The following RELN variants were observed in gnomAD, a reference collection of about 807,000 sequenced individuals.
The protein encoded by RELN is reelin.
In RELN, 108 loss-of-function variants were observed where a neutral mutation model predicts 427.6. The observed-to-expected ratio is 0.25, with a 90% CI of 0.22 to 0.30. RELN has a LOEUF of 0.30. RELN is among the 10% of genes least tolerant of loss of function. The pLI, the probability that RELN is intolerant of heterozygous loss-of-function variation, is 1.00. For synonymous variants in RELN, 1,524 were observed against 1,513.4 expected, an observed-to-expected ratio of 1.01 and a Z score of -0.16; for missense variants, 3,715 against 4,302.8, an observed-to-expected ratio of 0.86 and a Z score of 3.82.
At chr7:103,909,370 T>G (rs1795287840) in intron 2 of RELN, among the ~76,000 whole-genome samples, 1 of 151,736 alleles carries the variant, frequency 6.6e-6, no homozygotes, top group African/African-American at 2.4e-5. Context: ...TAGTAAAAAC[T>G]TCATCCTGGC....
At chr7:103,776,153 A>G (rs1430506458) in intron 4 of RELN, among the ~76,000 whole-genome samples, 6 of 152,220 alleles carry the variant, frequency 3.9e-5, no homozygotes. Context: ...AGGCCCATAG[A>G]TACTGTACAC....
intron 2 of RELN, among the ~76,000 whole-genome samples, chr7:103,881,502 G>T (rs1448274381): frequency 2.0e-5 from 3 of 151,988 alleles, no homozygotes; most frequent in Non-Finnish European, 4.4e-5. Flanking sequence ...ACCCCTTCTT[G>T]CTGCCCCTTT....
intron 3 of RELN, among the ~76,000 whole-genome samples, chr7:103,804,583 C>T (rs930455684): frequency 7.2e-5 from 11 of 152,056 alleles, no homozygotes; most frequent in African/African-American, 2.4e-4. Context: ...ATAAATAATG[C>T]GTAGTAACAC....
chr7:103,852,441 A>C (rs1357257270), intron 2 of RELN, among the ~76,000 whole-genome samples: 1 of 152,136 alleles, frequency 6.6e-6, no homozygotes, highest in Non-Finnish European at 1.5e-5. Context: ...TAAACTCTCC[A>C]TGCTTCTCTT....
chr7:103,912,597 G>A (rs1197351668), intron 2 of RELN, among the ~76,000 whole-genome samples: 1 of 152,030 alleles, frequency 6.6e-6, no homozygotes, highest in East Asian at 1.9e-4. Context: ...TGCTATAATG[G>A]CTGATGTATT....
intron 2 of RELN, among the ~76,000 whole-genome samples, chr7:103,871,131 G>T (rs1223063659): frequency 6.6e-6 from 1 of 152,008 alleles, no homozygotes; most frequent in Non-Finnish European, 1.5e-5. Flanking sequence ...TATCTAGTCA[G>T]GTACCAGTTG....
In RELN at chr7:103,809,750, T is replaced by C. The variant is rs147810431; in HGVS notation, c.473+23787A>G. Among the ~76,000 whole-genome samples, 142 of 152,312 alleles carry C rather than the reference T, an allele frequency of 9.3e-4. 1 individual carries two copies. The Middle Eastern group carries it at 0.014, about 15-fold the overall frequency. ...AACATGACAATCTAATTGTCATTTG[T>C]AGAAAGTTAATAGATAATGTCTAAA... On this transcript the variant is annotated intron_variant, in intron 3 of 64. Transcript: ENST00000428762.
chr7:103,747,671 A>G (rs1370370821), intron 6 of RELN, among the ~76,000 whole-genome samples: 2 of 142,632 alleles, frequency 1.4e-5, no homozygotes, highest in Non-Finnish European at 3.0e-5. Flanking sequence ...TTGGAATCTT[A>G]AAGAGGCTAA....
chr7:103,848,203 C>A (rs1001594918), intron 2 of RELN, among the ~76,000 whole-genome samples: 1 of 152,154 alleles, frequency 6.6e-6, no homozygotes, highest in Non-Finnish European at 1.5e-5. Flanking sequence ...CGTGGGTGAT[C>A]TCCAGATCAT....
intron 4 of RELN, among the ~76,000 whole-genome samples, chr7:103,759,130 C>CT (rs1791233127): frequency 6.6e-6 from 1 of 151,822 alleles, no homozygotes; most frequent in Non-Finnish European, 1.5e-5. Context: ...TATAGAACTT[C>CT]TTTTTTAAAA....
chr7:103,547,709 C>G (rs892340650), intron 41 of RELN, among the ~76,000 whole-genome samples: 1 of 152,212 alleles, frequency 6.6e-6, no homozygotes, highest in African/African-American at 2.4e-5. Context: ...ACCTTTTGAA[C>G]TTTCAGACTG....
intron 3 of RELN, among the ~76,000 whole-genome samples, chr7:103,814,712 A>C (rs771833039): frequency 1.4e-4 from 22 of 152,010 alleles, no homozygotes; most frequent in Non-Finnish European, 2.9e-4. Flanking sequence ...CAGTGTGATG[A>C]AAAGGGAAGT....
At chr7:103,786,277 T>G (rs1188288638) in intron 3 of RELN, among the ~76,000 whole-genome samples, 1 of 151,910 alleles carries the variant, frequency 6.6e-6, no homozygotes, top group Non-Finnish European at 1.5e-5. Context: ...TCATATACCC[T>G]TGTAGTTTTT....
intron 28 of RELN, among the ~76,000 whole-genome samples, chr7:103,580,341 G>T (rs1831101947): frequency 6.6e-6 from 1 of 152,202 alleles, no homozygotes; most frequent in Non-Finnish European, 1.5e-5. Context: ...CATCACAAAT[G>T]CCATCAAGCA....
In RELN at chr7:103,645,041, A is replaced by G. The variant is rs138141267; in HGVS notation, c.2003-4432T>C. On this transcript the variant is annotated intron_variant, in intron 16 of 64. Transcript: ENST00000428762. ...ATTCTATTAGAATTAAGCTTCATAA[A>G]TGAAGAAGAAATAGTCTTTCCCAGG... Among the ~76,000 whole-genome samples, 279 of 151,904 alleles carry G rather than the reference A, an allele frequency of 1.8e-3. 2 individuals are homozygous for G. Among genetic ancestry groups the G allele is most frequent in the Admixed American group, 0.013 (193 of 15,220 alleles).
intron 2 of RELN, among the ~76,000 whole-genome samples, chr7:103,840,131 T>G (rs1793517970): frequency 6.6e-6 from 1 of 152,248 alleles, no homozygotes. Context: ...ATGAGCCAAT[T>G]AAACCTATTT....
At chr7:103,771,342 G>C (rs552499273) in intron 4 of RELN, among the ~76,000 whole-genome samples, 1 of 152,004 alleles carries the variant, frequency 6.6e-6, no homozygotes, top group Non-Finnish European at 1.5e-5. Flanking sequence ...CCTCACCTCA[G>C]AGGCTTGCCT....
intron 4 of RELN, among the ~76,000 whole-genome samples, chr7:103,769,148 G>A (rs961789415): frequency 3.9e-5 from 6 of 152,176 alleles, no homozygotes; most frequent in Non-Finnish European, 8.8e-5. Flanking sequence ...AGGGACTCTG[G>A]AAAGTAAGGT....
At chr7:103,860,531 A>C (rs1234540792) in intron 2 of RELN, among the ~76,000 whole-genome samples, 3 of 152,134 alleles carry the variant, frequency 2.0e-5, no homozygotes, top group Non-Finnish European at 4.4e-5. Context: ...ATTGATGCTT[A>C]CTATATAACT....
Sources: gnomAD v4.1 joint callset for allele counts (sites outside exome capture counted in the v4.1 genomes callset) on GRCh38, gnomAD v4.1.1 for gene constraint, MANE v1.5 for transcripts, NCBI Gene and HGNC (gene_info 2026-07-23, HGNC 2026-07-21) for gene names.